The following PKN2 variants were observed in gnomAD, a reference collection of about 807,000 sequenced individuals.
The protein encoded by PKN2 is serine/threonine-protein kinase N2.
Under a neutral mutation model 119.1 loss-of-function variants are expected in PKN2, and 38 were observed. That is an observed-to-expected ratio of 0.32 (90% CI 0.25 to 0.42). The LOEUF (loss-of-function observed/expected upper bound fraction) is 0.42. PKN2 is among the 10% of genes least tolerant of loss of function. The pLI, the probability that PKN2 is intolerant of heterozygous loss-of-function variation, is 1.00. For missense variants in PKN2, 850 were observed against 1,165.1 expected (o/e 0.73, Z 3.94); for synonymous variants, 390 against 384.9 (o/e 1.01, Z -0.15).
chr1:88,723,949 A>G (rs971162406), intron 1 of PKN2, among the ~76,000 whole-genome samples: 9 of 151,988 alleles, frequency 5.9e-5, no homozygotes, highest in East Asian at 1.9e-4. Flanking sequence ...CATTTTTTCA[A>G]TTTTAGAGAT....
chr1:88,753,764 G>A (rs1278918505), intron 2 of PKN2, among the ~76,000 whole-genome samples: 1 of 151,730 alleles, frequency 6.6e-6, no homozygotes. Flanking sequence ...GTACTAAACC[G>A]CTCATTAAAG....
chr1:88,729,823 A>C lies in PKN2; in HGVS notation c.49-11165A>C, dbSNP rs923289455. ...GCAACATGTTGCCCTGCCTCCCTTGAAATCTATTATTTCTTAACACAGGTC... is the reference window on the plus strand; with the variant it reads ...GCAACATGTTGCCCTGCCTCCCTTGCAATCTATTATTTCTTAACACAGGTC... On this transcript the variant is annotated intron_variant, in intron 1 of 21. Coordinates refer to ENST00000370521, the MANE Select transcript of PKN2 (RefSeq NM_006256.4). Among the ~76,000 whole-genome samples, 11 of 152,278 alleles carry C rather than the reference A, an allele frequency of 7.2e-5. No individual in the cohort carries two copies. The South Asian group carries it at 2.3e-3, about 32-fold the overall frequency.
chr1:88,805,518 C>T lies in PKN2; in HGVS notation c.1523C>T (p.Pro508Leu). Residue 508 changes from proline to leucine, a missense_variant, in exon 11 of 22, where the codon CCT becomes CTT. This residue lies in a region of PKN2 where 5 missense variants were observed against 25.6 expected (regional missense o/e 0.20). Coordinates refer to ENST00000370521, the MANE Select transcript of PKN2 (RefSeq NM_006256.4). ...KQQGKTFLRA[P>L]QMNINIATWG... is the part of the protein sequence containing the mutation. ...ACAGGCAAAACATTTCTCAGAGCTC[C>T]TCAAATGAATATTAATATTGCCACT... 1 of 1,609,804 alleles carries T rather than the reference C, an allele frequency of 6.2e-7. No individual in the cohort carries two copies. Among genetic ancestry groups the T allele is most frequent in the Non-Finnish European group, 8.5e-7 (1 of 1,177,096 alleles).
At chr1:88,764,737 T>C (rs1255986322) in intron 3 of PKN2, among the ~76,000 whole-genome samples, 1 of 152,210 alleles carries the variant, frequency 6.6e-6, no homozygotes, top group African/African-American at 2.4e-5. Flanking sequence ...ATCTGAGGAA[T>C]GGGATGCAGT....
intron 1 of PKN2, among the ~76,000 whole-genome samples, chr1:88,708,287 T>G (rs1284405897): frequency 1.3e-5 from 2 of 152,192 alleles, no homozygotes; most frequent in Non-Finnish European, 2.9e-5. Context: ...TGGTTCTCTA[T>G]AGGTTTTTGT....
At chr1:88,695,596 C>T (rs768003698) in intron 1 of PKN2, among the ~76,000 whole-genome samples, 3 of 152,218 alleles carry the variant, frequency 2.0e-5, no homozygotes, top group Non-Finnish European at 2.9e-5. Context: ...TCACTCATCT[C>T]TATGTAGTGA....
rs1188085779 is a variant in PKN2, at chr1:88,835,297, CTTTAA to C, written c.*1855_*1859del. ...AGAGGAACTTAGCTTAATTGTCTGG[CTTTAA>C]TTTAAACTGTGTTAATACAACATTA... On this transcript the variant is annotated 3_prime_UTR_variant, in exon 22 of 22. Transcript: ENST00000370521. 1 of 152,456 alleles carries C rather than the reference CTTTAA, an allele frequency of 6.6e-6. No individual in the cohort carries two copies. Among genetic ancestry groups the C allele is most frequent in the African/African-American group, 2.4e-5 (1 of 41,450 alleles). The allele number at this position is 152,456 out of a possible 1,614,324, so 9.4% of individuals were successfully genotyped here.
At chr1:88,781,919 T>C (rs944719474) in intron 6 of PKN2, among the ~76,000 whole-genome samples, 2 of 152,130 alleles carry the variant, frequency 1.3e-5, no homozygotes, top group African/African-American at 4.8e-5. Context: ...TAAGATAAGA[T>C]TTCCACAGTC....
intron 2 of PKN2, among the ~76,000 whole-genome samples, chr1:88,744,382 T>C (rs775891943): frequency 3.9e-5 from 6 of 152,164 alleles, no homozygotes; most frequent in Non-Finnish European, 8.8e-5. Flanking sequence ...TAAGTCTGCA[T>C]TGTGTAAATC....
At chr1:88,747,696 C>T (rs1668824279) in intron 2 of PKN2, among the ~76,000 whole-genome samples, 1 of 151,936 alleles carries the variant, frequency 6.6e-6, no homozygotes, top group Non-Finnish European at 1.5e-5. Context: ...TTGTACCATT[C>T]TTATATTTTC....
chr1:88,717,754 G>A (rs905309844), intron 1 of PKN2, among the ~76,000 whole-genome samples: 5 of 151,800 alleles, frequency 3.3e-5, no homozygotes, highest in Non-Finnish European at 7.4e-5. Context: ...CCTTTAGCTC[G>A]GAGAAGTTTG....
chr1:88,822,009 T>A lies in PKN2; in HGVS notation c.2342+6T>A. On this transcript the variant is annotated splice_donor_region_variant and intron_variant, in intron 17 of 21. Coordinates refer to ENST00000370521, the MANE Select transcript of PKN2 (RefSeq NM_006256.4). The stretch of plus-strand genomic sequence containing the variant: ...GAACACAAAATTGTTTATAGGTAAG[T>A]TAATTTTTAATTTTTTCTAATGGCT... 6.5e-7 allele frequency: 1 copy of A among 1,528,518 alleles called. No homozygotes were observed. Among genetic ancestry groups the A allele is most frequent in the South Asian group, 1.3e-5 (1 of 79,486 alleles). The allele number at this position is 1,528,518 out of a possible 1,614,324, so 94.7% of individuals were successfully genotyped here.
chr1:88,768,013 T>A (rs763798233), intron 3 of PKN2, among the ~76,000 whole-genome samples: 9,452 of 152,266 alleles, frequency 0.062, no homozygotes, highest in African/African-American at 0.16. Flanking sequence ...ACTGATTGCC[T>A]TAGTGATTAA....
chr1:88,778,168 C>A (rs750046183), intron 6 of PKN2, among the ~76,000 whole-genome samples: 6 of 152,340 alleles, frequency 3.9e-5, no homozygotes, highest in South Asian at 2.1e-4. Flanking sequence ...CAAAACCAAG[C>A]TGTAACCCAA....
intron 2 of PKN2, among the ~76,000 whole-genome samples, chr1:88,745,949 G>A (rs1227060885): frequency 2.6e-5 from 4 of 152,088 alleles, no homozygotes; most frequent in Admixed American, 6.5e-5. Flanking sequence ...ATTGATTTTT[G>A]ACAAAGCTGC....
chr1:88,788,160 A>G (rs1393416738), intron 8 of PKN2, among the ~76,000 whole-genome samples: 1 of 152,182 alleles, frequency 6.6e-6, no homozygotes, highest in African/African-American at 2.4e-5. Flanking sequence ...TAAAAAATTC[A>G]TGGTTCTTTT....
intron 8 of PKN2, among the ~76,000 whole-genome samples, chr1:88,789,128 G>GA (rs1670703204): frequency 6.6e-6 from 1 of 152,160 alleles, no homozygotes; most frequent in Admixed American, 6.5e-5. Context: ...TGGGAAAGGA[G>GA]GGAAAGAGAG....
chr1:88,806,140 TTGTTTGTTTTTTGTTTTTG>T, intron 12 of PKN2, 123 bp downstream of exon 12: 1 of 898,802 alleles, frequency 1.1e-6, no homozygotes, highest in Admixed American at 2.6e-5. Flanking sequence ...TTATGGTTTT[TTGTTTGTTTTTTGTTTTTG>T]TTTTTGTTTT....
chr1:88,791,729 C>G (rs1246019600), intron 8 of PKN2, among the ~76,000 whole-genome samples: 1 of 152,106 alleles, frequency 6.6e-6, no homozygotes, highest in South Asian at 2.1e-4. Context: ...AGTTTGTCTT[C>G]CAGAGTCTCC....
Sources: allele counts gnomAD v4.1 joint callset (sites outside exome capture counted in the v4.1 genomes callset), GRCh38; gene constraint gnomAD v4.1.1; regional missense constraint gnomAD v4.1.1; transcripts MANE v1.5; gene names NCBI Gene and HGNC (gene_info 2026-07-23, HGNC 2026-07-21).